PRDM16: variants seen among roughly 807,000 people sequenced by gnomAD.
PRDM16 encodes histone-lysine N-methyltransferase PRDM16.
PRDM16 carries 23 observed loss-of-function variants against 110.6 expected under a neutral mutation model. The ratio of observed to expected loss-of-function variants is 0.21; its 90% CI spans 0.15 to 0.29. PRDM16 has a LOEUF of 0.29. PRDM16 is among the 10% of genes least tolerant of loss of function. The pLI, the probability that PRDM16 is intolerant of heterozygous loss-of-function variation, is 1.00. For missense variants in PRDM16, 1,615 were observed against 1,794.3 expected (o/e 0.90, Z 1.81); for synonymous variants, 799 against 781.8 (o/e 1.02, Z -0.37).
chr1:3,251,089 C>G (rs1639918885), intron 3 of PRDM16, among the ~76,000 whole-genome samples: 2 of 152,354 alleles, frequency 1.3e-5, no homozygotes, highest in South Asian at 4.1e-4. Flanking sequence ...AGGACACACT[C>G]AGACGCTGCC....
In PRDM16 at chr1:3,255,556, G is replaced by A. The variant is rs936517605; in HGVS notation, c.438+11419G>A. On this transcript the variant is annotated intron_variant, in intron 3 of 16. Coordinates refer to ENST00000270722, the MANE Select transcript of PRDM16 (RefSeq NM_022114.4). This position sits in a 1 kb window ranked among gnomAD's most constrained non-coding sequence, Gnocchi z 4.7. ...GGCCACAGTGGCACGGGGAGGGGGC[G>A]GGAGACACAAGCCATCCCCTAACTC... Among the ~76,000 whole-genome samples the A allele has an allele frequency of 5.9e-5, 9 of 152,146 alleles. No homozygotes were observed. The highest frequency in any genetic ancestry group is 1.3e-4 in the Non-Finnish European group (9 of 68,030).
chr1:3,069,314 G>C lies in PRDM16; in HGVS notation c.37+18G>C. 5.2e-6 allele frequency: 7 copies of C among 1,336,478 alleles called. No individual in the cohort carries two copies. The highest frequency in any genetic ancestry group is 6.8e-6 in the Non-Finnish European group (7 of 1,022,592). 82.8% of individuals were successfully genotyped at this position (1,336,478 alleles called of 1,614,324 possible). ...AGCCAAAAGTAAGTCTCCCGCGCTC[G>C]GCCGCGCCGCGCCGCCGGGGCCCGG... On this transcript the variant is annotated intron_variant, in intron 1 of 16. Coordinates refer to ENST00000270722, the MANE Select transcript of PRDM16 (RefSeq NM_022114.4). This position sits in a 1 kb window ranked among gnomAD's most constrained non-coding sequence, Gnocchi z 6.1.
At chr1:3,109,203 C>A (rs1173078896) in intron 1 of PRDM16, among the ~76,000 whole-genome samples, 1 of 152,200 alleles carries the variant, frequency 6.6e-6, no homozygotes, top group East Asian at 1.9e-4. Context: ...CTTTCTGTGT[C>A]ACAGGTTTTT....
At chr1:3,428,068 T>C (rs1343462908) in intron 14 of PRDM16, among the ~76,000 whole-genome samples, 2 of 152,144 alleles carry the variant, frequency 1.3e-5, no homozygotes, top group Admixed American at 6.5e-5. Flanking sequence ...GATTCATCAA[T>C]GGCATCCTTG....
chr1:3,076,068 T>G (rs1641891865), intron 1 of PRDM16, among the ~76,000 whole-genome samples: 1 of 152,178 alleles, frequency 6.6e-6, no homozygotes, highest in Non-Finnish European at 1.5e-5. Context: ...AGGCCCTGCT[T>G]GGCAAAGCGG....
At chr1:3,241,082 G>A (rs1337984898) in intron 2 of PRDM16, among the ~76,000 whole-genome samples, 1 of 152,230 alleles carries the variant, frequency 6.6e-6, no homozygotes, top group Non-Finnish European at 1.5e-5. Flanking sequence ...TGGGGGAGCC[G>A]GGGAGCGCGT....
chr1:3,070,052 G>A (rs887992185), intron 1 of PRDM16, among the ~76,000 whole-genome samples: 6 of 152,038 alleles, frequency 3.9e-5, no homozygotes, highest in African/African-American at 1.4e-4. Flanking sequence ...CGGGCCGCCG[G>A]GGCGACAGTG....
rs1337560772 is a variant in PRDM16 at position 3,330,912 on chromosome 1, G to A, written c.439-54240G>A. 7.2e-5 allele frequency among the ~76,000 whole-genome samples: 11 copies of A among 152,362 alleles called. 1 individual carries two copies. Among genetic ancestry groups the A allele is most frequent in the African/African-American group, 1.2e-4 (5 of 41,588 alleles). ...CACCTGCTGCTCTGGGGCAGAAATC[G>A]GAGCCACCTGGAGTGTGCCTGCCAG... On this transcript the variant is annotated intron_variant, in intron 3 of 16. Coordinates refer to ENST00000270722, the MANE Select transcript of PRDM16 (RefSeq NM_022114.4).
At chr1:3,416,059 G>A (rs1381288585) in intron 10 of PRDM16, among the ~76,000 whole-genome samples, 1 of 152,250 alleles carries the variant, frequency 6.6e-6, no homozygotes, top group Non-Finnish European at 1.5e-5. Context: ...GGCGGGAGAA[G>A]CCTGACCCCC....
At chr1:3,169,508 G>A (rs1049475653) in intron 1 of PRDM16, among the ~76,000 whole-genome samples, 1 of 152,176 alleles carries the variant, frequency 6.6e-6, no homozygotes. Context: ...TGGGGCATGT[G>A]CTGGCTTCTC....
intron 3 of PRDM16, among the ~76,000 whole-genome samples, chr1:3,333,815 G>A (rs1359663951): frequency 6.6e-6 from 1 of 152,052 alleles, no homozygotes; most frequent in Non-Finnish European, 1.5e-5. Context: ...TGCGAGATCT[G>A]CTTTAAAAGA....
intron 8 of PRDM16, among the ~76,000 whole-genome samples, chr1:3,405,995 T>C (rs1643555650): frequency 6.6e-6 from 1 of 152,152 alleles, no homozygotes; most frequent in African/African-American, 2.4e-5. Flanking sequence ...TCCCCCGAAC[T>C]CACTCCCCAC....
chr1:3,272,570 C>T (rs1286441687), intron 3 of PRDM16, among the ~76,000 whole-genome samples: 3 of 152,198 alleles, frequency 2.0e-5, no homozygotes, highest in Non-Finnish European at 4.4e-5. Flanking sequence ...AGGGACGTCC[C>T]GCCAGTGAGC....
At chr1:3,258,407 C>T (rs566923359) in intron 3 of PRDM16, among the ~76,000 whole-genome samples, 27 of 152,266 alleles carry the variant, frequency 1.8e-4, no homozygotes, top group African/African-American at 5.5e-4. Flanking sequence ...GAATAATACT[C>T]TCTTTCAGCG....
chr1:3,407,475 C>T (rs531561796), intron 8 of PRDM16, among the ~76,000 whole-genome samples: 1 of 152,216 alleles, frequency 6.6e-6, no homozygotes, highest in Non-Finnish European at 1.5e-5. Flanking sequence ...TACCCCTTTC[C>T]TCTGGGAGAA....
intron 3 of PRDM16, among the ~76,000 whole-genome samples, chr1:3,354,025 A>G (rs1642544610): frequency 6.6e-6 from 1 of 152,218 alleles, no homozygotes; most frequent in South Asian, 2.1e-4. Context: ...CTGCCCAGCC[A>G]CGCCCATGGA....
intron 5 of PRDM16, among the ~76,000 whole-genome samples, chr1:3,402,172 C>T (rs965844510): frequency 1.3e-5 from 2 of 151,980 alleles, no homozygotes; most frequent in East Asian, 1.9e-4. Context: ...TTTCCAGAGC[C>T]GGGGGGATGA....
At position 3,425,141 on chromosome 1, in the gene PRDM16, G is replaced by C. The variant is rs574106058; in HGVS notation, c.2940-440G>C. 2 of 151,164 alleles carry C rather than the reference G, an allele frequency of 1.3e-5. No individual in the cohort carries two copies. The highest frequency in any genetic ancestry group is 2.9e-5 in the Non-Finnish European group (2 of 69,092). The allele number at this position is 151,164 out of a possible 1,614,324, so 9.4% of individuals were successfully genotyped here. On this transcript the variant is annotated intron_variant, in intron 12 of 16. Transcript: ENST00000270722. This position sits in a 1 kb window ranked among gnomAD's most constrained non-coding sequence, Gnocchi z 6.9. ...CGCCCAGGCTGGAGTGCGGTGGCGTGATCTTGGCTCACTGCAAGCTCCGCC... is the reference window on the plus strand; with the variant it reads ...CGCCCAGGCTGGAGTGCGGTGGCGTCATCTTGGCTCACTGCAAGCTCCGCC...
At chr1:3,178,320 G>A (rs1054563669) in intron 1 of PRDM16, among the ~76,000 whole-genome samples, 1 of 152,160 alleles carries the variant, frequency 6.6e-6, no homozygotes, top group Non-Finnish European at 1.5e-5. Context: ...TGAAATTCTT[G>A]GCGAATCTCC....
Sources: gnomAD v4.1 joint callset for allele counts (sites outside exome capture counted in the v4.1 genomes callset) on GRCh38, gnomAD v4.1.1 for gene constraint, Gnocchi (gnomAD v3.1) non-coding constraint, MANE v1.5 for transcripts, NCBI Gene and HGNC (gene_info 2026-07-23, HGNC 2026-07-21) for gene names.